Variants in PCDHGB2 observed in about 807,000 individuals in gnomAD.
PCDHGB2 encodes protocadherin gamma-B2.
PCDHGB2 carries 55 observed loss-of-function variants against 59.3 expected under a neutral mutation model. That is an observed-to-expected ratio of 0.93 (90% CI 0.75 to 1.16). The LOEUF (loss-of-function observed/expected upper bound fraction) is 1.16, where lower values mean the gene tolerates loss of function less well. Ranked by LOEUF, PCDHGB2 falls within the 50% of genes most tolerant of loss-of-function variation. PCDHGB2 has a pLI of 0.00. For synonymous variants in PCDHGB2, 516 were observed against 512.0 expected, an observed-to-expected ratio of 1.01 and a Z score of -0.11; for missense variants, 1,228 against 1,198.5, an observed-to-expected ratio of 1.02 and a Z score of -0.36.
At chr5:141,365,169 CT>C in intron 1 of PCDHGB2, 1 of 1,613,926 alleles carries the variant, frequency 6.2e-7, no homozygotes, top group East Asian at 2.2e-5. Context: ...TTGACCTACT[CT>C]TTTCGCAATG....
chr5:141,427,840 A>G (rs779622800), intron 1 of PCDHGB2: 1 of 1,548,180 alleles, frequency 6.5e-7, no homozygotes, highest in Non-Finnish European at 8.8e-7. Flanking sequence ...CGTGCCTTCG[A>G]CCACGAGCAG....
intron 1 of PCDHGB2, among the ~76,000 whole-genome samples, chr5:141,467,960 C>T (rs1303642319): frequency 6.6e-6 from 1 of 151,998 alleles, no homozygotes; most frequent in Non-Finnish European, 1.5e-5. Flanking sequence ...CACCCGGCTG[C>T]CAGAAAATTT....
chr5:141,364,623 AGAGCCCACT>A, intron 1 of PCDHGB2: 1 of 1,614,178 alleles, frequency 6.2e-7, no homozygotes, highest in Non-Finnish European at 8.5e-7. Flanking sequence ...CTCTGCGCTC[AGAGCCCACT>A]GTGTGTGGTG....
At chr5:141,492,505 C>A (rs1009723421) in intron 1 of PCDHGB2, among the ~76,000 whole-genome samples, 1 of 152,212 alleles carries the variant, frequency 6.6e-6, no homozygotes, top group Admixed American at 6.5e-5. Context: ...GACTCCGGAG[C>A]CTCCTCTCAC....
rs756706355 is a variant in PCDHGB2 at position 141,486,950 on chromosome 5, G to C, written c.2422-7857G>C. 6.2e-7 allele frequency: 1 copy of C among 1,614,202 alleles called. No homozygotes were observed. Among genetic ancestry groups the C allele is most frequent in the East Asian group, 2.2e-5 (1 of 44,876 alleles). On this transcript the variant is annotated intron_variant, in intron 1 of 3. Coordinates refer to ENST00000522605, the MANE Select transcript of PCDHGB2 (RefSeq NM_018923.3). The surrounding 1 kb of genome is among the most constrained non-coding windows in gnomAD (Gnocchi z 5.0). ...TGGTGCTGGCCACCTAATCACAAAG[G>C]TGACTGCTGTGGACTTGGATTCAGG...
chr5:141,422,977 G>A (rs1434523351), intron 1 of PCDHGB2: 1 of 1,614,110 alleles, frequency 6.2e-7, no homozygotes, highest in Non-Finnish European at 8.5e-7. Context: ...CCGCTCTGCG[G>A]AACCTGGCTA....
chr5:141,435,940 G>A (rs2097787697), intron 1 of PCDHGB2, among the ~76,000 whole-genome samples: 1 of 152,066 alleles, frequency 6.6e-6, no homozygotes, highest in Admixed American at 6.5e-5. Flanking sequence ...CTGCTTCTGA[G>A]ACCAAAAAAG....
At chr5:141,400,385 C>G (rs903146096) in intron 1 of PCDHGB2, 1 of 1,614,074 alleles carries the variant, frequency 6.2e-7, no homozygotes, top group Admixed American at 1.7e-5. Flanking sequence ...CTATGTGTTG[C>G]ACATACAGGA....
chr5:141,423,026 G>T (rs1333695085), intron 1 of PCDHGB2: 1 of 1,614,210 alleles, frequency 6.2e-7, no homozygotes, highest in Admixed American at 1.7e-5. Context: ...AAAGATTCAG[G>T]CCAGAACGCC....
chr5:141,394,864 C>G lies in PCDHGB2; in HGVS notation c.2421+32308C>G. Reference sequence around the variant, plus strand: ...GGCAGTCTGAAGCCTTCGGTCGACCCGAACGATTCGAGCCTTACACTCTAT... The same window carrying G: ...GGCAGTCTGAAGCCTTCGGTCGACCGGAACGATTCGAGCCTTACACTCTAT... On this transcript the variant is annotated intron_variant, in intron 1 of 3. Coordinates refer to ENST00000522605, the MANE Select transcript of PCDHGB2 (RefSeq NM_018923.3). The G allele has an allele frequency of 1.2e-6, 2 of 1,613,780 alleles. No individual in the cohort carries two copies. The highest frequency in any genetic ancestry group is 1.7e-6 in the Non-Finnish European group (2 of 1,179,900).
At chr5:141,405,370 G>C in intron 1 of PCDHGB2, 1 of 1,606,236 alleles carries the variant, frequency 6.2e-7, no homozygotes, top group Non-Finnish European at 8.5e-7. Flanking sequence ...ACACCCCTTT[G>C]GTTCCGGTGA....
chr5:141,393,744 G>T (rs770821376), intron 1 of PCDHGB2: 3 of 1,613,868 alleles, frequency 1.9e-6, no homozygotes, highest in South Asian at 2.2e-5. Context: ...AGATTATGAA[G>T]AATGTTCATT....
At chr5:141,418,851 G>A (rs778281594) in intron 1 of PCDHGB2, 9 of 1,613,906 alleles carry the variant, frequency 5.6e-6, no homozygotes, top group South Asian at 2.2e-5. Context: ...TCAACACGGT[G>A]TAAAGTAATT....
intron 1 of PCDHGB2, chr5:141,390,867 C>CGT (rs61319619): frequency 0.024 from 3,656 of 151,102 alleles, 86 homozygotes; most frequent in African/African-American, 0.056. Flanking sequence ...GCTGTGTGTG[C>CGT]GTGTGTGTGT....
intron 1 of PCDHGB2, among the ~76,000 whole-genome samples, chr5:141,457,278 C>T (rs1446074161): frequency 6.6e-6 from 1 of 152,196 alleles, no homozygotes; most frequent in Non-Finnish European, 1.5e-5. Flanking sequence ...TGTGGGCCTA[C>T]GAAGTTCCTT....
At chr5:141,371,024 G>C (rs1588679786) in intron 1 of PCDHGB2, 1 of 1,613,886 alleles carries the variant, frequency 6.2e-7, no homozygotes, top group African/African-American at 1.3e-5. Context: ...ATCACCACCT[G>C]GTCCTCACAG....
rs576318312 is a variant in PCDHGB2, at chr5:141,410,171, A to G, written c.2421+47615A>G. On this transcript the variant is annotated intron_variant, in intron 1 of 3. Coordinates refer to ENST00000522605, the MANE Select transcript of PCDHGB2 (RefSeq NM_018923.3). ...CGGTGGACAGCCGCCACTCTCTGCCACCGCCACGCTTCATCTGGTCTTCGC... is the reference window on the plus strand; with the variant it reads ...CGGTGGACAGCCGCCACTCTCTGCCGCCGCCACGCTTCATCTGGTCTTCGC... 181 of 1,613,780 alleles carry G rather than the reference A, an allele frequency of 1.1e-4. 1 individual carries two copies. The East Asian group carries it at 4.0e-3, about 36-fold the overall frequency.
intron 1 of PCDHGB2, chr5:141,385,540 G>T: frequency 1.5e-6 from 2 of 1,323,840 alleles, no homozygotes; most frequent in Non-Finnish European, 1.9e-6. Context: ...ATGAATATGT[G>T]GACTATCACA....
In PCDHGB2 at chr5:141,489,663, C is replaced by T. The variant is rs1183544696; in HGVS notation, c.2422-5144C>T. The T allele has an allele frequency of 1.9e-6, 3 of 1,614,048 alleles. No individual in the cohort carries two copies. The highest frequency in any genetic ancestry group is 2.2e-5 in the South Asian group (2 of 91,094). ...TTGCCACCCCTGAGCGAGAGATGCGCATCTCAGAATCAGCAGCATCTGGGG... is the reference window on the plus strand; with the variant it reads ...TTGCCACCCCTGAGCGAGAGATGCGTATCTCAGAATCAGCAGCATCTGGGG... On this transcript the variant is annotated intron_variant, in intron 1 of 3. Coordinates refer to ENST00000522605, the MANE Select transcript of PCDHGB2 (RefSeq NM_018923.3). This position sits in a 1 kb window ranked among gnomAD's most constrained non-coding sequence, Gnocchi z 4.5.
Sources: allele counts gnomAD v4.1 joint callset (sites outside exome capture counted in the v4.1 genomes callset), GRCh38; gene constraint gnomAD v4.1.1; non-coding constraint Gnocchi (gnomAD v3.1); transcripts MANE v1.5; gene names NCBI Gene and HGNC (gene_info 2026-07-23, HGNC 2026-07-21).